Variants in SPAG16 observed in about 807,000 individuals in gnomAD.
SPAG16 encodes the protein sperm-associated antigen 16 protein.
A neutral mutation model predicts 80.4 loss-of-function variants in SPAG16; 86 were observed. The ratio of observed to expected loss-of-function variants is 1.07; its 90% CI spans 0.90 to 1.28. The LOEUF (loss-of-function observed/expected upper bound fraction) is 1.28, where lower values mean the gene tolerates loss of function less well. Among genes scored for constraint, SPAG16 ranks in the 50% most tolerant of loss-of-function variants. The pLI is 0.00. For missense variants in SPAG16, 870 were observed against 765.3 expected, an observed-to-expected ratio of 1.14 and a Z score of -1.61; for synonymous variants, 294 against 265.9, an observed-to-expected ratio of 1.11 and a Z score of -1.03.
intron 15 of SPAG16, among the ~76,000 whole-genome samples, chr2:214,367,796 C>T (rs568078118): frequency 6.6e-6 from 1 of 152,260 alleles, no homozygotes; most frequent in Non-Finnish European, 1.5e-5. Context: ...TGCTGTATCA[C>T]CCAGCTCCAC....
At chr2:213,929,463 C>T (rs1473740592) in intron 11 of SPAG16, among the ~76,000 whole-genome samples, 1 of 152,196 alleles carries the variant, frequency 6.6e-6, no homozygotes, top group Non-Finnish European at 1.5e-5. Flanking sequence ...CATGATCTAA[C>T]TCAAAGGTAT....
chr2:213,792,340 C>T (rs2070749874), intron 10 of SPAG16, among the ~76,000 whole-genome samples: 1 of 152,166 alleles, frequency 6.6e-6, no homozygotes, highest in African/African-American at 2.4e-5. Context: ...GTGCCTCCCT[C>T]AGTGTGTTGA....
rs1396409150 is a variant in SPAG16, at chr2:214,355,533, G to A, written c.1721-54607G>A. On this transcript the variant is annotated intron_variant, in intron 15 of 15. Transcript: ENST00000331683. The stretch of plus-strand genomic sequence containing the variant: ...AAAAGTCAGGAAACAACAAGTGCTG[G>A]AGAGGATGTGGAGAAATAGGAACAC... 7.0e-4 allele frequency among the ~76,000 whole-genome samples: 89 copies of A among 127,610 alleles called. 1 individual carries two copies. The highest frequency in any genetic ancestry group is 6.6e-3 in the East Asian group (29 of 4,390). 83.7% of individuals were successfully genotyped at this position (127,610 alleles called of 152,430 possible). A position where few individuals can be genotyped will look rare whatever the true frequency, so the allele number is the denominator to read the frequency against.
At chr2:213,430,205 A>G (rs1402369959) in intron 9 of SPAG16, among the ~76,000 whole-genome samples, 5 of 152,224 alleles carry the variant, frequency 3.3e-5, no homozygotes, top group Admixed American at 2.6e-4. Context: ...ACAAAATACA[A>G]TGGAAAGTTT....
chr2:214,291,300 CTTTT>C (rs56771172), intron 15 of SPAG16, among the ~76,000 whole-genome samples: 220 of 80,482 alleles, frequency 2.7e-3, no homozygotes, highest in African/African-American at 0.011. Flanking sequence ...GATCATGTTT[CTTTT>C]TTTTTTTTTT....
At chr2:213,619,642 T>TA (rs1276960102) in intron 10 of SPAG16, among the ~76,000 whole-genome samples, 1 of 151,748 alleles carries the variant, frequency 6.6e-6, no homozygotes, top group East Asian at 1.9e-4. Context: ...ATAGCTAATA[T>TA]AAAAAAAGAC....
intron 10 of SPAG16, among the ~76,000 whole-genome samples, chr2:213,563,583 G>A (rs77970574): frequency 0.013 from 1,981 of 152,222 alleles, 20 homozygotes; most frequent in South Asian, 0.036. Flanking sequence ...TTCTTAAAAG[G>A]CCACCAATCC....
intron 9 of SPAG16, among the ~76,000 whole-genome samples, chr2:213,459,064 T>C (rs1449738904): frequency 2.0e-5 from 3 of 152,190 alleles, no homozygotes; most frequent in African/African-American, 7.2e-5. Context: ...TTGAAGAATT[T>C]CTCCCCTTTT....
chr2:213,503,297 C>T (rs2074824145), intron 10 of SPAG16, among the ~76,000 whole-genome samples: 1 of 152,194 alleles, frequency 6.6e-6, no homozygotes, highest in Non-Finnish European at 1.5e-5. Flanking sequence ...GGGTTTTGCT[C>T]TTTGCCTACC....
At chr2:214,011,151 C>T (rs971028807) in intron 12 of SPAG16, among the ~76,000 whole-genome samples, 6 of 144,876 alleles carry the variant, frequency 4.1e-5, no homozygotes, top group Non-Finnish European at 7.5e-5. Flanking sequence ...CTTTTTCTCT[C>T]CCACCTCACC....
intron 15 of SPAG16, among the ~76,000 whole-genome samples, chr2:214,274,202 A>G (rs1692272016): frequency 6.6e-6 from 1 of 152,172 alleles, no homozygotes; most frequent in South Asian, 2.1e-4. Flanking sequence ...TTGCGCTGAG[A>G]CAGTGAGCTT....
chr2:213,415,709 G>T (rs1176959330), intron 9 of SPAG16, among the ~76,000 whole-genome samples: 1 of 152,136 alleles, frequency 6.6e-6, no homozygotes, highest in Admixed American at 6.5e-5. Flanking sequence ...GGTTTTGGAG[G>T]AGAGGATATT....
At chr2:213,583,727 A>AT (rs546459932) in intron 10 of SPAG16, among the ~76,000 whole-genome samples, 10 of 152,198 alleles carry the variant, frequency 6.6e-5, no homozygotes, top group South Asian at 6.2e-4. Context: ...TTTTCCTATG[A>AT]TTTTTTCTCC....
chr2:213,976,736 A>C (rs1174550532), intron 12 of SPAG16, among the ~76,000 whole-genome samples: 1 of 152,110 alleles, frequency 6.6e-6, no homozygotes, highest in Non-Finnish European at 1.5e-5. Flanking sequence ...CCTCTGGCTG[A>C]CAGACAGGAA....
intron 11 of SPAG16, among the ~76,000 whole-genome samples, chr2:213,873,960 CTA>C (rs745758920): frequency 6.6e-6 from 1 of 152,050 alleles, no homozygotes; most frequent in Non-Finnish European, 1.5e-5. Flanking sequence ...GCTATTGCTC[CTA>C]TATAACAAAC....
At position 213,863,909 on chromosome 2, in the gene SPAG16, A is replaced by G. The variant is rs559834876; in HGVS notation, c.1214+1281A>G. Among the ~76,000 whole-genome samples the G allele has an allele frequency of 1.1e-3, 165 of 152,244 alleles. 2 individuals carry two copies. The South Asian group carries it at 0.014, about 13-fold the overall frequency. ...CTCATAATATGAATTTACATTTAGC[A>G]CTTTCTTACGGCAGAATTGTAGTAA... On this transcript the variant is annotated intron_variant, in intron 11 of 15. Coordinates refer to ENST00000331683, the MANE Select transcript of SPAG16 (RefSeq NM_024532.5).
At chr2:213,950,244 G>A (rs184753771) in intron 12 of SPAG16, among the ~76,000 whole-genome samples, 3 of 152,250 alleles carry the variant, frequency 2.0e-5, no homozygotes, top group Admixed American at 6.5e-5. Context: ...GTGGCCCGCA[G>A]CAGTCTTTGC....
At chr2:213,914,721 G>A (rs984082425) in intron 11 of SPAG16, among the ~76,000 whole-genome samples, 1 of 152,224 alleles carries the variant, frequency 6.6e-6, no homozygotes, top group East Asian at 1.9e-4. Context: ...CAGCATATTT[G>A]TATACTGATC....
At chr2:213,967,482 A>T (rs4146002) in intron 12 of SPAG16, among the ~76,000 whole-genome samples, 1 of 152,048 alleles carries the variant, frequency 6.6e-6, no homozygotes, top group Non-Finnish European at 1.5e-5. Context: ...TTTTCAAAAA[A>T]CCAGATACTA....
Sources: gnomAD v4.1 joint callset for allele counts (sites outside exome capture counted in the v4.1 genomes callset) on GRCh38, gnomAD v4.1.1 for gene constraint, MANE v1.5 for transcripts, NCBI Gene and HGNC (gene_info 2026-07-23, HGNC 2026-07-21) for gene names.